DCC: variants seen among roughly 807,000 people sequenced by gnomAD.
DCC encodes netrin receptor DCC.
A neutral mutation model predicts 172.5 loss-of-function variants in DCC; 58 were observed. The ratio of observed to expected loss-of-function variants is 0.34; its 90% CI spans 0.27 to 0.42. DCC has a LOEUF of 0.42. DCC is among the 10% of genes least tolerant of loss of function. The probability of loss-of-function intolerance (pLI) is 1.00; values close to 1 mark genes in which losing one functional copy is unlikely to be tolerated. For synonymous variants in DCC, 709 were observed against 644.5 expected (o/e 1.10, Z -1.52); for missense variants, 1,740 against 1,791.0 (o/e 0.97, Z 0.51).
chr18:53,398,749 C>T (rs924799336), intron 18 of DCC, among the ~76,000 whole-genome samples: 1 of 152,048 alleles, frequency 6.6e-6, no homozygotes, highest in Non-Finnish European at 1.5e-5. Context: ...AACCGCCTAG[C>T]CTTGTAGGGA....
chr18:52,402,999 T>C lies in DCC; in HGVS notation c.91+62121T>C, dbSNP rs115641001. 3.9e-3 allele frequency among the ~76,000 whole-genome samples: 600 copies of C among 152,150 alleles called. 6 individuals are homozygous for C. Among genetic ancestry groups the C allele is most frequent in the African/African-American group, 0.014 (579 of 41,514 alleles). On this transcript the variant is annotated intron_variant, in intron 1 of 28. Coordinates refer to ENST00000442544, the MANE Select transcript of DCC (RefSeq NM_005215.4). ...GTCACTGTATAGGCTAAGCTGAAGATGCATGTGTTTTCTGTGCAGTGGGAA... is the reference window on the plus strand; with the variant it reads ...GTCACTGTATAGGCTAAGCTGAAGACGCATGTGTTTTCTGTGCAGTGGGAA...
chr18:53,512,682 G>T (rs923654250), intron 27 of DCC, among the ~76,000 whole-genome samples: 5 of 151,902 alleles, frequency 3.3e-5, no homozygotes, highest in Admixed American at 6.6e-5. Flanking sequence ...CTCAGGAGCC[G>T]ATGCAATCAA....
chr18:53,136,065 C>A (rs756854046), intron 7 of DCC, among the ~76,000 whole-genome samples: 6 of 151,952 alleles, frequency 3.9e-5, no homozygotes, highest in Non-Finnish European at 7.4e-5. Context: ...TTTTTCCCTA[C>A]AAACATAATC....
intron 5 of DCC, among the ~76,000 whole-genome samples, chr18:52,935,474 A>G (rs994710382): frequency 2.0e-5 from 3 of 152,126 alleles, no homozygotes; most frequent in Non-Finnish European, 2.9e-5. Context: ...ACAAGCATGT[A>G]TATCTTCACA....
chr18:53,099,407 T>C (rs534301731), intron 7 of DCC, among the ~76,000 whole-genome samples: 4 of 152,222 alleles, frequency 2.6e-5, no homozygotes, highest in South Asian at 2.1e-4. Context: ...TTTAATTACA[T>C]TGTAATCTGA....
chr18:52,747,618 T>C (rs2036925653), intron 1 of DCC, among the ~76,000 whole-genome samples: 1 of 152,260 alleles, frequency 6.6e-6, no homozygotes, highest in South Asian at 2.1e-4. Flanking sequence ...AAGTTATTTC[T>C]ACTTCTTGTC....
chr18:53,432,732 TC>T (rs1911697374), intron 21 of DCC, among the ~76,000 whole-genome samples: 2 of 130,168 alleles, frequency 1.5e-5, no homozygotes, highest in Non-Finnish European at 3.2e-5. Flanking sequence ...AATGGGAGAA[TC>T]TTTTATCATT....
At chr18:53,204,685 G>T (rs62099236) in intron 9 of DCC, among the ~76,000 whole-genome samples, 56,112 of 152,024 alleles carry the variant, frequency 0.37, 11,139 homozygotes, top group Non-Finnish European at 0.44. Flanking sequence ...AATTGAAAAT[G>T]GAACACTAAA....
chr18:53,443,843 G>T (rs1183729223), intron 22 of DCC, among the ~76,000 whole-genome samples: 6 of 152,200 alleles, frequency 3.9e-5, no homozygotes, highest in Non-Finnish European at 7.3e-5. Flanking sequence ...CTTCAGTGGA[G>T]GAAGTAAGTG....
intron 1 of DCC, among the ~76,000 whole-genome samples, chr18:52,424,425 C>T (rs1987354723): frequency 6.6e-6 from 1 of 152,076 alleles, no homozygotes. Flanking sequence ...TCCCTTCTTC[C>T]CTAAGGGACA....
At chr18:53,200,526 A>G (rs534057843) in intron 9 of DCC, among the ~76,000 whole-genome samples, 3 of 152,296 alleles carry the variant, frequency 2.0e-5, no homozygotes, top group East Asian at 1.9e-4. Context: ...GCACAACTCA[A>G]TGGAGTGTGT....
rs1170615146 is a variant in DCC at position 52,926,084 on chromosome 18, T to G, written c.985+714T>G. 2.0e-5 allele frequency among the ~76,000 whole-genome samples: 3 copies of G among 151,934 alleles called. No homozygotes were observed. In the East Asian group the frequency reaches 5.8e-4, roughly 29 times the overall value. On this transcript the variant is annotated intron_variant, in intron 5 of 28. Transcript: ENST00000442544. ...AAGTGCCTTAACATTTGGATTTCAGTTGCTTTTTTTCTGTAACAACAACCA... is the reference window on the plus strand; with the variant it reads ...AAGTGCCTTAACATTTGGATTTCAGGTGCTTTTTTTCTGTAACAACAACCA...
At chr18:52,894,852 T>C (rs981404769) in intron 2 of DCC, among the ~76,000 whole-genome samples, 1 of 152,162 alleles carries the variant, frequency 6.6e-6, no homozygotes, top group Non-Finnish European at 1.5e-5. Context: ...GGGAAGACAT[T>C]GTTTTATTCA....
chr18:53,434,666 T>C (rs1409672554), intron 21 of DCC, among the ~76,000 whole-genome samples: 1 of 152,188 alleles, frequency 6.6e-6, no homozygotes, highest in Admixed American at 6.5e-5. Flanking sequence ...ATTTGACACC[T>C]AACAAAGAGA....
chr18:53,337,438 T>C (rs9950970), intron 14 of DCC, among the ~76,000 whole-genome samples: 51,792 of 152,158 alleles, frequency 0.34, 9,982 homozygotes, highest in East Asian at 0.59. Context: ...GGTTGAAAAC[T>C]ATTAATCCAT....
At chr18:52,717,399 C>G (rs1019881420) in intron 1 of DCC, among the ~76,000 whole-genome samples, 2 of 149,208 alleles carry the variant, frequency 1.3e-5, no homozygotes, top group African/African-American at 4.9e-5. Context: ...CACTCCTTAC[C>G]TCTTTCTAAA....
At chr18:53,081,305 A>C (rs754354337) in intron 7 of DCC, among the ~76,000 whole-genome samples, 1 of 152,068 alleles carries the variant, frequency 6.6e-6, no homozygotes, top group African/African-American at 2.4e-5. Flanking sequence ...CCTGTGTACT[A>C]TGGTTTGAAT....
intron 12 of DCC, among the ~76,000 whole-genome samples, chr18:53,254,294 A>G (rs1301009913): frequency 6.6e-6 from 1 of 152,180 alleles, no homozygotes; most frequent in Non-Finnish European, 1.5e-5. Flanking sequence ...TTGAAAGAAG[A>G]TAATGGGTTT....
intron 5 of DCC, among the ~76,000 whole-genome samples, chr18:53,023,662 G>T (rs2041916709): frequency 6.6e-6 from 1 of 152,078 alleles, no homozygotes. Flanking sequence ...CTAGCTAAGT[G>T]ATTTTCAGCA....
Sources: allele counts gnomAD v4.1 joint callset (sites outside exome capture counted in the v4.1 genomes callset), GRCh38; gene constraint gnomAD v4.1.1; transcripts MANE v1.5; gene names NCBI Gene and HGNC (gene_info 2026-07-23, HGNC 2026-07-21).